Variants in RUFY4 observed in about 807,000 individuals in gnomAD.
RUFY4 encodes the protein RUN and FYVE domain-containing protein 4.
In RUFY4, 73 loss-of-function variants were observed where a neutral mutation model predicts 69.0. The observed-to-expected ratio is 1.06, with a 90% CI of 0.88 to 1.29. The LOEUF (loss-of-function observed/expected upper bound fraction) is 1.29. RUFY4 is among the 50% of genes most tolerant of loss of function. The probability of loss-of-function intolerance (pLI) is 0.00; values close to 1 mark genes in which losing one functional copy is unlikely to be tolerated. For missense variants in RUFY4, 770 were observed against 705.6 expected, an observed-to-expected ratio of 1.09 and a Z score of -1.03; for synonymous variants, 287 against 271.8, an observed-to-expected ratio of 1.06 and a Z score of -0.55.
intron 8 of RUFY4, among the ~76,000 whole-genome samples, chr2:218,079,710 C>T (rs78452924): frequency 0.029 from 4,480 of 152,082 alleles, 246 homozygotes; most frequent in African/African-American, 0.1. Flanking sequence ...AGCTCACTCC[C>T]GGGAAAGGAG....
chr2:218,061,454 G>A (rs6704927), intron 3 of RUFY4: 5 of 196,940 alleles, frequency 2.5e-5, no homozygotes, highest in Non-Finnish European at 5.3e-5. Context: ...AGAGAGAAGA[G>A]GATTATTGCA....
chr2:218,062,434 C>T (rs1357778852), intron 3 of RUFY4, among the ~76,000 whole-genome samples: 3 of 150,348 alleles, frequency 2.0e-5, no homozygotes, highest in Non-Finnish European at 4.4e-5. Context: ...GATAAGTGGC[C>T]GGGCATGGTG....
chr2:218,073,396 T>G lies in RUFY4; in HGVS notation c.530+10T>G. The G allele has an allele frequency of 6.9e-6, 11 of 1,587,852 alleles. No individual in the cohort carries two copies. The highest frequency in any genetic ancestry group is 8.6e-6 in the Non-Finnish European group (10 of 1,166,826). The stretch of plus-strand genomic sequence containing the variant: ...GGCCCATGTTCTCAGAGTGAGTGGG[T>G]GCAGCCAGGAGAGAAGTCTCTTTTG... On this transcript the variant is annotated intron_variant, in intron 5 of 10. Coordinates refer to ENST00000344321, the Ensembl canonical transcript of RUFY4.
At chr2:218,056,234 T>G (rs534806324) in intron 2 of RUFY4, among the ~76,000 whole-genome samples, 7 of 152,050 alleles carry the variant, frequency 4.6e-5, no homozygotes, top group African/African-American at 1.2e-4. Context: ...TTGTTGTTTT[T>G]TTTTTTTTTT....
At chr2:218,059,303 G>A (rs1031322694) in intron 3 of RUFY4, 1 of 156,664 alleles carries the variant, frequency 6.4e-6, no homozygotes, top group Admixed American at 6.5e-5. Flanking sequence ...AGACATTTAA[G>A]TGTACAGTTT....
At chr2:218,061,003 G>A (rs756757463) in intron 3 of RUFY4, 35 of 758,854 alleles carry the variant, frequency 4.6e-5, no homozygotes, top group African/African-American at 2.2e-4. Context: ...TCCATGCTGC[G>A]GCAGGCCAGT....
chr2:218,063,643 G>T (rs1018512979), intron 3 of RUFY4, among the ~76,000 whole-genome samples: 1 of 152,168 alleles, frequency 6.6e-6, no homozygotes, highest in Non-Finnish European at 1.5e-5. Context: ...AGAGGAATAG[G>T]AAGAACCTCA....
At chr2:218,058,471 C>A (rs540925074) in intron 2 of RUFY4, 1 of 152,304 alleles carries the variant, frequency 6.6e-6, no homozygotes, top group Non-Finnish European at 1.5e-5. Context: ...TCACCTGAAC[C>A]TTTGTGGGAA....
At chr2:218,047,552 A>C (rs1448741836) in intron 2 of RUFY4, among the ~76,000 whole-genome samples, 1 of 152,062 alleles carries the variant, frequency 6.6e-6, no homozygotes, top group East Asian at 1.9e-4. Flanking sequence ...TTTAAAATAC[A>C]TTTTTCACAT....
At chr2:218,068,881 C>G (rs1378829136), upstream of RUFY4, 1 of 152,460 alleles carries the variant, frequency 6.6e-6, no homozygotes, top group Non-Finnish European at 1.5e-5. Context: ...CCTCCCCACT[C>G]TGGAGCGCTG....
At chr2:218,043,585 G>A (rs1412635665) in intron 2 of RUFY4, among the ~76,000 whole-genome samples, 1 of 152,180 alleles carries the variant, frequency 6.6e-6, no homozygotes, top group East Asian at 1.9e-4. Context: ...TCTGCAACTG[G>A]TCATCCCCAC....
intron 3 of RUFY4, chr2:218,061,140 C>A: frequency 2.1e-6 from 1 of 467,958 alleles, no homozygotes; most frequent in South Asian, 1.8e-5. Flanking sequence ...AAGAACAGGT[C>A]GGCCAAGGCC....
rs769248464 is a variant in RUFY4, at chr2:218,076,517, C to T, written c.1339C>T (p.Arg447Trp). The change falls in exon 8 of 11, where the codon CGG becomes TGG. Residue 447 changes from arginine (R) to tryptophan (W), a missense_variant. By Grantham distance (101) the Arg-to-Trp change is moderately radical (BLOSUM62 -3). Transcript: ENST00000344321. Reference sequence around the variant, plus strand: ...GCAGGAGGGGGAGCTGCAGGCACTTCGGGAGCAGCTCAGCAGGTAACCTTG... The same window carrying T: ...GCAGGAGGGGGAGCTGCAGGCACTTTGGGAGCAGCTCAGCAGGTAACCTTG... The T allele has an allele frequency of 4.8e-5, 75 of 1,550,440 alleles. No homozygotes were observed. The highest frequency in any genetic ancestry group is 6.9e-5 in the African/African-American group (5 of 72,926).
At chr2:218,080,177 A>G (rs992796373) in intron 8 of RUFY4, among the ~76,000 whole-genome samples, 1 of 152,198 alleles carries the variant, frequency 6.6e-6, no homozygotes, top group Non-Finnish European at 1.5e-5. Flanking sequence ...AGGGGCCTCA[A>G]AGGCAGAGTG....
At chr2:218,039,548 A>C (rs1237209595) in intron 2 of RUFY4, among the ~76,000 whole-genome samples, 1 of 152,212 alleles carries the variant, frequency 6.6e-6, no homozygotes, top group Non-Finnish European at 1.5e-5. Context: ...ACATCACTGC[A>C]GTATAGTAGG....
At chr2:218,060,969 G>A (rs2106037853) in intron 3 of RUFY4, 1 of 818,928 alleles carries the variant, frequency 1.2e-6, no homozygotes. Context: ...TGTGCGTGTG[G>A]CATGGACAAT....
chr2:218,089,978 C>T, exon 11 of RUFY4: 1 of 1,567,208 alleles, frequency 6.4e-7, no homozygotes, highest in Non-Finnish European at 8.6e-7. Flanking sequence ...CTCTGCCATG[C>T]TTGCTCCATG....
chr2:218,062,460 C>CCCAG (rs1340665354), intron 3 of RUFY4, among the ~76,000 whole-genome samples: 1 of 150,936 alleles, frequency 6.6e-6, no homozygotes, highest in Non-Finnish European at 1.5e-5. Flanking sequence ...TGCCTGTAAT[C>CCCAG]CCAGCACTCT....
exon 3 of RUFY4, chr2:218,072,420 A>G (rs1189195568): frequency 1.3e-6 from 2 of 1,537,416 alleles, no homozygotes; most frequent in Non-Finnish European, 1.7e-6. Flanking sequence ...CGGAAGGATT[A>G]CTGGGACTTT....
Sources: allele counts gnomAD v4.1 joint callset (sites outside exome capture counted in the v4.1 genomes callset), GRCh38; gene constraint gnomAD v4.1.1; transcripts MANE v1.5; gene names NCBI Gene and HGNC (gene_info 2026-07-23, HGNC 2026-07-21).